The following TOPBP1 variants were observed in gnomAD, a reference collection of about 807,000 sequenced individuals.
TOPBP1 encodes the protein DNA topoisomerase II binding protein 1, also known as DNA topoisomerase 2-binding protein 1.
A neutral mutation model predicts 167.7 loss-of-function variants in TOPBP1; 28 were observed. The ratio of observed to expected loss-of-function variants is 0.17; its 90% confidence interval spans 0.12 to 0.23. TOPBP1 has a LOEUF of 0.23. TOPBP1 is among the 10% of genes least tolerant of loss of function. TOPBP1 has a pLI of 1.00. For missense variants in TOPBP1, 1,554 were observed against 1,809.6 expected, an observed-to-expected ratio of 0.86 and a Z score of 2.56; for synonymous variants, 598 against 611.4, an observed-to-expected ratio of 0.98 and a Z score of 0.32.
At chr3:133,604,153 G>T (rs1934410775) in intron 27 of TOPBP1, among the ~76,000 whole-genome samples, 1 of 147,992 alleles carries the variant, frequency 6.8e-6, no homozygotes, top group Non-Finnish European at 1.5e-5. Flanking sequence ...TATTTATTTT[G>T]AAACGGAGTC....
intron 19 of TOPBP1, among the ~76,000 whole-genome samples, chr3:133,621,485 A>T (rs1344916068): frequency 1.3e-5 from 2 of 152,260 alleles, no homozygotes; most frequent in Non-Finnish European, 2.9e-5. Context: ...AACTATTTAC[A>T]AAACATTTAC....
intron 20 of TOPBP1, 44 bp from the exon 21 acceptor site, chr3:133,618,477 T>C: frequency 6.3e-7 from 1 of 1,576,568 alleles, no homozygotes; most frequent in South Asian, 1.1e-5. Context: ...CAATAACAAA[T>C]CCAAACTCAT....
rs190364982 is a variant in TOPBP1, at chr3:133,654,073, T to C, written c.743-549A>G. On this transcript the variant is annotated intron_variant, in intron 6 of 27. Transcript: ENST00000260810. ...TTTCTATGTGTAGTATAAATACATA[T>C]GCCATGTGAGAGGTTTTATCTTTTA... Among the ~76,000 whole-genome samples the C allele has an allele frequency of 7.2e-5, 11 of 152,340 alleles. No homozygotes were observed. In the East Asian group the frequency reaches 2.1e-3, roughly 29 times the overall value.
At chr3:133,618,553 T>C (rs1343153136) in intron 20 of TOPBP1, 120 bp from the exon 21 acceptor site, 3 of 759,644 alleles carry the variant, frequency 3.9e-6, no homozygotes, top group Non-Finnish European at 6.3e-6. Context: ...TAGCACACAG[T>C]ATGCATTAAA....
At chr3:133,626,443 G>A (rs1038476367) in intron 16 of TOPBP1, among the ~76,000 whole-genome samples, 14 of 152,132 alleles carry the variant, frequency 9.2e-5, no homozygotes, top group African/African-American at 3.1e-4. Flanking sequence ...TATCTTGCAT[G>A]ATATTCTAAT....
chr3:133,627,820 CTTAGGCTGTCAGG>C (rs1935315570), intron 16 of TOPBP1, among the ~76,000 whole-genome samples: 1 of 151,706 alleles, frequency 6.6e-6, no homozygotes, highest in African/African-American at 2.4e-5. Flanking sequence ...CTGTTTTCAG[CTTAGGCTGTCAGG>C]TTGACTGAAG....
Position 133,611,238 on chromosome 3 carries a change from T to C in TOPBP1, c.4036-97A>G. On this transcript the variant is annotated intron_variant, in intron 24 of 27. Coordinates refer to ENST00000260810, the MANE Select transcript of TOPBP1 (RefSeq NM_007027.4). ...AAGGAGCCCAAAGTCTAATAACTGT[T>C]AAAGCTATACATTTAATTGTTACAA... 2.8e-6 allele frequency: 3 copies of C among 1,089,810 alleles called. No homozygotes were observed. In the South Asian group the frequency reaches 7.1e-5, roughly 26 times the overall value. 67.5% of individuals were successfully genotyped at this position (1,089,810 alleles called of 1,614,324 possible). A position where few individuals can be genotyped will look rare whatever the true frequency, so the allele number is the denominator to read the frequency against.
At chr3:133,613,488 G>A (rs1230117889) in intron 23 of TOPBP1, among the ~76,000 whole-genome samples, 2 of 152,202 alleles carry the variant, frequency 1.3e-5, no homozygotes, top group African/African-American at 4.8e-5. Context: ...GGAGATGGAA[G>A]TAAGATAGGG....
chr3:133,636,990 C>G (rs1935699250), intron 14 of TOPBP1, among the ~76,000 whole-genome samples: 1 of 151,616 alleles, frequency 6.6e-6, no homozygotes, highest in South Asian at 2.1e-4. Context: ...GAATTCTGAC[C>G]AAAAATAAAG....
intron 14 of TOPBP1, among the ~76,000 whole-genome samples, chr3:133,632,437 C>T (rs762556456): frequency 6.6e-6 from 1 of 152,018 alleles, no homozygotes; most frequent in Non-Finnish European, 1.5e-5. Context: ...GAATAAATTA[C>T]TCGGTCTGGG....
chr3:133,655,591 A>C (rs781445404), intron 5 of TOPBP1, 105 bp from the exon 6 acceptor site: 18 of 633,292 alleles, frequency 2.8e-5, no homozygotes, highest in Admixed American at 4.2e-5. Context: ...TAGGATTTAT[A>C]ATCTTTTTTT....
In TOPBP1 at chr3:133,631,700, G is replaced by A. The variant is rs146542543; in HGVS notation, c.2521-2967C>T. On this transcript the variant is annotated intron_variant, in intron 14 of 27. Transcript: ENST00000260810. ...CTCACTCTGTTGCCCGGGCTGTGGCGCGACCTTGGTGCAATGCAATCTCTG... is the reference window on the plus strand; with the variant it reads ...CTCACTCTGTTGCCCGGGCTGTGGCACGACCTTGGTGCAATGCAATCTCTG... Among the ~76,000 whole-genome samples, 12 of 152,210 alleles carry A rather than the reference G, an allele frequency of 7.9e-5. No individual in the cohort carries two copies. In the East Asian group the frequency reaches 9.7e-4, roughly 12 times the overall value.
intron 10 of TOPBP1, among the ~76,000 whole-genome samples, chr3:133,647,425 G>T (rs1936115014): frequency 6.6e-6 from 1 of 152,154 alleles, no homozygotes; most frequent in Non-Finnish European, 1.5e-5. Context: ...TAGAGTCCTA[G>T]TAAGTACAAG....
At chr3:133,608,177 C>G (rs1355712388) in intron 27 of TOPBP1, among the ~76,000 whole-genome samples, 1 of 152,084 alleles carries the variant, frequency 6.6e-6, no homozygotes, top group African/African-American at 2.4e-5. Context: ...ATTTAATGTA[C>G]ATGAAAGCAA....
chr3:133,637,462 T>A (rs1935716523), intron 14 of TOPBP1, among the ~76,000 whole-genome samples: 1 of 152,234 alleles, frequency 6.6e-6, no homozygotes, highest in South Asian at 2.1e-4. Flanking sequence ...ATCCCGGGTG[T>A]ACTCTGAGAA....
In TOPBP1 at chr3:133,652,562, A is replaced by G. The variant is rs1197827277; in HGVS notation, c.990T>C (p.Cys330=). ...GCTCCAGTTTGCTGTTAAGTGAATT[A>G]CATATTGATTCACTTACGCAACTTG... ...INASCVSESI[C]NSLNSKLEPT... The change falls in exon 8 of 28, where the codon TGT becomes TGC. Residue 330 remains cysteine, a synonymous_variant. Coordinates refer to ENST00000260810, the MANE Select transcript of TOPBP1 (RefSeq NM_007027.4). 4 of 1,612,040 alleles carry G rather than the reference A, an allele frequency of 2.5e-6. No individual in the cohort carries two copies. The African/African-American group carries it at 5.3e-5, about 22-fold the overall frequency.
At position 133,600,790 on chromosome 3, in the gene TOPBP1, C is replaced by T. The variant is rs906894296; in HGVS notation, c.*460G>A. ...TATAGCCCCAGCTTCCTCATTAAAC[C>T]TTGTGCTCAGGCTCCTGTTAAAAGA... is the stretch of plus-strand genomic sequence containing the variant. On this transcript the variant is annotated 3_prime_UTR_variant, in exon 28 of 28. Transcript: ENST00000260810. 4 of 157,870 alleles carry T rather than the reference C, an allele frequency of 2.5e-5. No individual in the cohort carries two copies. The highest frequency in any genetic ancestry group is 9.6e-5 in the African/African-American group (4 of 41,458). The allele number at this position is 157,870 out of a possible 1,614,324, so 9.8% of individuals were successfully genotyped here.
chr3:133,654,708 C>A (rs1207496234), intron 6 of TOPBP1, among the ~76,000 whole-genome samples: 1 of 152,064 alleles, frequency 6.6e-6, no homozygotes, highest in Non-Finnish European at 1.5e-5. Flanking sequence ...TTATGTAACA[C>A]CAAACTTAAT....
intron 14 of TOPBP1, among the ~76,000 whole-genome samples, chr3:133,636,316 T>C (rs1935673147): frequency 6.6e-6 from 1 of 152,112 alleles, no homozygotes; most frequent in Admixed American, 6.6e-5. Flanking sequence ...TAATAGATGG[T>C]CAATTTTGTG....
Sources: allele counts gnomAD v4.1 joint callset (sites outside exome capture counted in the v4.1 genomes callset), GRCh38; gene constraint gnomAD v4.1.1; transcripts MANE v1.5; gene names NCBI Gene and HGNC (gene_info 2026-07-23, HGNC 2026-07-21).